TTN: variants seen among roughly 807,000 people sequenced by gnomAD.
TTN encodes connectin.
TTN carries 1,525 observed loss-of-function variants against 3,223.0 expected under a neutral mutation model. The ratio of observed to expected loss-of-function variants is 0.47; its 90% confidence interval spans 0.45 to 0.49. TTN has a LOEUF of 0.49. TTN is among the 20% of genes least tolerant of loss of function. The probability of loss-of-function intolerance (pLI) is 0.00; values close to 1 mark genes in which losing one functional copy is unlikely to be tolerated. For missense variants in TTN, 40,786 were observed against 43,424.0 expected, an observed-to-expected ratio of 0.94 and a Z score of 5.40; for synonymous variants, 14,094 against 15,161.0, an observed-to-expected ratio of 0.93 and a Z score of 5.17.
chr2:178,763,360 T>C lies in TTN; in HGVS notation c.10114+817A>G, dbSNP rs550620812. ...GCACTGTGCTATGTGCTGACTTGAG[T>C]TACCTAACTTAATCTTGATAATAAT... On this transcript the variant is annotated intron_variant, in intron 43 of 362. Transcript: ENST00000589042. Among the ~76,000 whole-genome samples the C allele has an allele frequency of 1.1e-3, 168 of 152,214 alleles. 1 individual carries two copies. The highest frequency in any genetic ancestry group is 1.7e-3 in the Non-Finnish European group (116 of 68,016).
chr2:178,558,992 CAT>C, intron 326 of TTN: 1 of 315,798 alleles, frequency 3.2e-6, no homozygotes, highest in Non-Finnish European at 5.7e-6. Context: ...TGATATATGT[CAT>C]ACACACATAC....
chr2:178,633,711 G>A, intron 231 of TTN, 35 bp from the exon 232 acceptor site: 1 of 1,606,932 alleles, frequency 6.2e-7, no homozygotes, highest in Non-Finnish European at 8.5e-7. Context: ...TTAGAAGAAT[G>A]TGAAAATTAA....
At chr2:178,799,162 C>CTG in intron 6 of TTN, 1 of 348,862 alleles carries the variant, frequency 2.9e-6, no homozygotes, top group South Asian at 2.8e-5. Flanking sequence ...TGCCCATGGA[C>CTG]CTAGGTGAGG....
In TTN at chr2:178,547,839, T is replaced by A. The variant is rs1482369519; in HGVS notation, c.93787A>T (p.Ser31263Cys). The change falls in exon 339 of 363, where the codon AGC (serine) becomes TGC (cysteine). Residue 31263 changes from serine to cysteine, a missense_variant. Coordinates refer to ENST00000589042, the MANE Select transcript of TTN (RefSeq NM_001267550.2). ...GTTCTGTCTTTTGTTGTTGTAATGC[T>A]CACTCGATCTGTCTCTTTAAGTCTC... Reference protein sequence around the residue: ...EMRLKETDRVSITTTKDRTTL... With the variant: ...EMRLKETDRVCITTTKDRTTL... The A allele has an allele frequency of 1.9e-6, 3 of 1,613,918 alleles. No homozygotes were observed. The highest frequency in any genetic ancestry group is 2.2e-5 in the East Asian group (1 of 44,854).
intron 356 of TTN, 65 bp from the exon 357 acceptor site, chr2:178,536,640 T>G: frequency 7.3e-7 from 1 of 1,363,764 alleles, no homozygotes; most frequent in Non-Finnish European, 9.7e-7. Flanking sequence ...AGCTTATTTT[T>G]TTAAAAAAGA....
chr2:178,777,125 T>A, intron 27 of TTN, 24 bp downstream of exon 27: 1 of 1,614,036 alleles, frequency 6.2e-7, no homozygotes, highest in Non-Finnish European at 8.5e-7. Flanking sequence ...ATAATGAGCT[T>A]AGCTTTATTA....
At position 178,530,304 on chromosome 2, in the gene TTN, A is replaced by G. The variant is rs781451007; in HGVS notation, c.106311T>C (p.Ala35437=). 2 of 1,613,714 alleles carry G rather than the reference A, an allele frequency of 1.2e-6. No individual in the cohort carries two copies. The highest frequency in any genetic ancestry group is 1.7e-6 in the Non-Finnish European group (2 of 1,179,652). The stretch of plus-strand genomic sequence containing the variant: ...CTCCAGTAGCCTTAACTGCAAATTT[A>G]GCAACACTGTCTGAAGAAACAGTTG... ...QDTTVSSDSV[A]KFAVKATGEP... The change falls in exon 358 of 363, where the codon GCT becomes GCC. Residue 35437 remains alanine, a synonymous_variant. Coordinates refer to ENST00000589042, the MANE Select transcript of TTN (RefSeq NM_001267550.2).
chr2:178,562,514 A>G lies in TTN; in HGVS notation c.83618T>C (p.Val27873Ala), dbSNP rs200775919. 1.5e-4 allele frequency: 241 copies of G among 1,611,676 alleles called. No individual in the cohort carries two copies. Among genetic ancestry groups the G allele is most frequent in the Middle Eastern group, 3.3e-4 (2 of 6,072 alleles). The change falls in exon 326 of 363, where the codon GTT becomes GCT. Residue 27873 changes from valine (V) to alanine (A), a missense_variant. Physicochemically the swap from Val to Ala is moderately conservative, Grantham distance 64 (BLOSUM62 0). Coordinates refer to ENST00000589042, the MANE Select transcript of TTN (RefSeq NM_001267550.2). ...TGTAGCTGTATTACGGGTCACATCA[A>G]CAAGAGTTACTCTTCCAGGTGGGAG... ...PPLPPGRVTL[V>A]DVTRNTATIK...
chr2:178,532,132 T>C lies in TTN; in HGVS notation c.104483A>G (p.Glu34828Gly), dbSNP rs975412383. ...TAGTCTAGACGCAGATGAGGATGAT[T>C]CTCTTTGAGCATGTTTTGAGATTTC... Reference protein sequence around the residue: ...EYEISKHAQRESSSSASRLLR... With the variant: ...EYEISKHAQRGSSSSASRLLR... Residue 34828 changes from glutamate to glycine, a missense_variant, in exon 358 of 363, where the codon GAA becomes GGA. By Grantham distance (98) the Glu-to-Gly change is moderately conservative. Coordinates refer to ENST00000589042, the MANE Select transcript of TTN (RefSeq NM_001267550.2). The C allele has an allele frequency of 1.2e-6, 2 of 1,613,982 alleles. No homozygotes were observed. Among genetic ancestry groups the C allele is most frequent in the African/African-American group, 1.3e-5 (1 of 75,048 alleles).
rs1199888872 is a variant in TTN, at chr2:178,553,974, C to T, written c.89137G>A (p.Ala29713Thr). Residue 29713 changes from alanine (A) to threonine (T), a missense_variant, in exon 333 of 363, where the codon GCT becomes ACT. Ala to Thr is a moderately conservative substitution (Grantham distance 58). Coordinates refer to ENST00000589042, the MANE Select transcript of TTN (RefSeq NM_001267550.2). ...DYQYRVCAVN[A>T]AGQGPFSEPS... ...TCAGAAAATGGACCCTGTCCAGCAG[C>T]GTTTACAGCACAAACTCTGTATTGA... 16 of 1,611,838 alleles carry T rather than the reference C, an allele frequency of 9.9e-6. No individual in the cohort carries two copies. The highest frequency in any genetic ancestry group is 2.7e-5 in the African/African-American group (2 of 74,898).
rs773808426 is a variant in TTN, at chr2:178,592,158, T to G, written c.59746A>C (p.Arg19916=). 1 of 1,612,850 alleles carries G rather than the reference T, an allele frequency of 6.2e-7. No individual in the cohort carries two copies. The highest frequency in any genetic ancestry group is 8.5e-7 in the Non-Finnish European group (1 of 1,179,442). The change falls in exon 302 of 363, where the codon AGG becomes CGG. Residue 19916 remains arginine, a synonymous_variant. Transcript: ENST00000589042. ...GSVITNYVVE[R]RDVASAQWSP... ...CACTGGGCGCTGGCAACATCTCTCC[T>G]CTCAACCACATAATTGGTAATAACA...
rs1187736528 is a variant in TTN at position 178,782,864 on chromosome 2, A to G, written c.3042T>C (p.Thr1014=). Residue 1014 remains threonine (T), a synonymous_variant, in exon 18 of 363, where the codon ACT becomes ACC. Coordinates refer to ENST00000589042, the MANE Select transcript of TTN (RefSeq NM_001267550.2). ...TTCCAGCCTCATTTACAGCACTGCA[A>G]GTAAATCGCCCGCTGTCTTCCGCAA... ...EAFAEDSGRF[T]CSAVNEAGTV... The G allele has an allele frequency of 6.2e-7, 1 of 1,613,998 alleles. No homozygotes were observed. Among genetic ancestry groups the G allele is most frequent in the Non-Finnish European group, 8.5e-7 (1 of 1,179,940 alleles).
intron 169 of TTN, 21 bp downstream of exon 169, chr2:178,663,994 C>A (rs1282106626): frequency 1.9e-6 from 3 of 1,612,632 alleles, no homozygotes; most frequent in Non-Finnish European, 2.5e-6. Flanking sequence ...TCTTCTGAAG[C>A]CTAAAGTCAG....
rs755321123 is a variant in TTN at position 178,559,235 on chromosome 2, G to T, written c.86821+76C>A. The T allele has an allele frequency of 3.8e-6, 5 of 1,331,166 alleles. No individual in the cohort carries two copies. In the African/African-American group the frequency reaches 4.4e-5, roughly 12 times the overall value. 82.5% of individuals were successfully genotyped at this position (1,331,166 alleles called of 1,614,324 possible). A position where few individuals can be genotyped will look rare whatever the true frequency, so the allele number is the denominator to read the frequency against. ...CCAAAAGCATTTAAGATGAAATAACGACTAATTAGAATGACTCACACTATT... is the reference window on the plus strand; with the variant it reads ...CCAAAAGCATTTAAGATGAAATAACTACTAATTAGAATGACTCACACTATT... On this transcript the variant is annotated intron_variant, in intron 326 of 362. Transcript: ENST00000589042.
In TTN at chr2:178,557,743, G is replaced by A. The variant is rs72648228; in HGVS notation, c.87611C>T (p.Thr29204Ile). ...GATGCGGAATTGGTATTCTTCTCCT[G>A]TGGTCAGTTTCATGACTTTCATCAT... ...RTMMKVMKLT[T>I]GEEYQFRIKA... is the part of the protein sequence containing the mutation. The change falls in exon 328 of 363, where the codon ACA (threonine) becomes ATA (isoleucine). Residue 29204 changes from threonine (T) to isoleucine (I), a missense_variant. Transcript: ENST00000589042. 6.2e-7 allele frequency: 1 copy of A among 1,613,948 alleles called. No homozygotes were observed. The highest frequency in any genetic ancestry group is 2.2e-5 in the East Asian group (1 of 44,878).
In TTN at chr2:178,741,824, T is replaced by C. The variant is rs1386860594; in HGVS notation, c.11409A>G (p.Glu3803=). 6.2e-7 allele frequency: 1 copy of C among 1,612,150 alleles called. No individual in the cohort carries two copies. The highest frequency in any genetic ancestry group is 8.5e-7 in the Non-Finnish European group (1 of 1,179,088). Residue 3803 remains glutamate, a synonymous_variant, in exon 48 of 363, where the codon GAA becomes GAG. Coordinates refer to ENST00000589042, the MANE Select transcript of TTN (RefSeq NM_001267550.2). ...KINETLELLS[E]SPVYPTKFDS... is the part of the protein sequence containing the mutation. ...CAAATTTAGTTGGGTAAACTGGAGA[T>C]TCAGACAAAAGTTCAAGTGTTTCAT...
At chr2:178,701,506 A>T (rs180686642) in intron 110 of TTN, 22 bp downstream of exon 110, 32 of 1,605,742 alleles carry the variant, frequency 2.0e-5, no homozygotes, top group Admixed American at 1.6e-4. Context: ...CCAAGCTCAG[A>T]TGTTGAGGTT....
rs200716930 is a variant in TTN at position 178,532,706 on chromosome 2, G to T, written c.103909C>A (p.Arg34637=). ...DDLEIVRPAR[R]RTPSPDYDFY... ...TCATAATCAGGAGAAGGTGTACGCC[G>T]GCGGGCTGGTCTCACTATCTCAAGA... is the stretch of plus-strand genomic sequence containing the variant. The change falls in exon 358 of 363, where the codon CGG becomes AGG. Residue 34637 remains arginine, a synonymous_variant. Coordinates refer to ENST00000589042, the MANE Select transcript of TTN (RefSeq NM_001267550.2). The T allele has an allele frequency of 1.9e-6, 3 of 1,613,916 alleles. No individual in the cohort carries two copies. The highest frequency in any genetic ancestry group is 1.7e-4 in the Middle Eastern group (1 of 6,060).
Position 178,730,944 on chromosome 2 carries a change from C to T in TTN, c.17721G>A (p.Lys5907=). Residue 5907 remains lysine (K), a synonymous_variant, in exon 60 of 363, where the codon AAG becomes AAA. Transcript: ENST00000589042. ...ACCAACCTAATACATTAATTCTAGC[C>T]TTGCAGCTGCTCCTCCCAACATCAT... ...VQNDVGRSSC[K]ARINVLDLII... 6.2e-7 allele frequency: 1 copy of T among 1,606,654 alleles called. No homozygotes were observed. Among genetic ancestry groups the T allele is most frequent in the East Asian group, 2.2e-5 (1 of 44,810 alleles).
Sources: allele counts gnomAD v4.1 joint callset (sites outside exome capture counted in the v4.1 genomes callset), GRCh38; gene constraint gnomAD v4.1.1; transcripts MANE v1.5; gene names NCBI Gene and HGNC (gene_info 2026-07-23, HGNC 2026-07-21).